The following C19orf47 variants were observed in gnomAD, a reference collection of about 807,000 sequenced individuals.
The protein encoded by C19orf47 is chromosome 19 open reading frame 47, also known as uncharacterized protein C19orf47.
C19orf47 carries 18 observed loss-of-function variants against 32.3 expected under a neutral mutation model. The ratio of observed to expected loss-of-function variants is 0.56; its 90% confidence interval spans 0.39 to 0.83. C19orf47 has a LOEUF of 0.83. C19orf47 is among the 40% of genes least tolerant of loss of function. The pLI is 0.00. For synonymous variants in C19orf47, 202 were observed against 211.1 expected (o/e 0.96, Z 0.37); for missense variants, 484 against 531.6 (o/e 0.91, Z 0.88).
At chr19:40,309,172 A>G in the C19orf47 span, among the ~76,000 whole-genome samples, 1 of 151,704 alleles carries the variant, frequency 6.6e-6, no homozygotes, top group East Asian at 1.9e-4. Context: ...CATAATCAGC[A>G]GCCACTTTAT....
the C19orf47 span, among the ~76,000 whole-genome samples, chr19:40,293,327 G>A: frequency 6.6e-6 from 1 of 151,764 alleles, no homozygotes; most frequent in Non-Finnish European, 1.5e-5. Flanking sequence ...TATATTTTTA[G>A]TAGAGATGGG....
chr19:40,314,207 C>G, the C19orf47 span, among the ~76,000 whole-genome samples: 1 of 152,186 alleles, frequency 6.6e-6, no homozygotes, highest in Non-Finnish European at 1.5e-5. Context: ...GCGGGCAGAT[C>G]AACTGAGGTC....
chr19:40,340,367 G>A (rs2078152046), intron 2 of C19orf47, among the ~76,000 whole-genome samples: 1 of 152,092 alleles, frequency 6.6e-6, no homozygotes, highest in Non-Finnish European at 1.5e-5. Context: ...CTGCTTCTAT[G>A]CTTTATATAA....
intron 6 of C19orf47, among the ~76,000 whole-genome samples, chr19:40,327,819 G>T (rs1266929301): frequency 6.6e-6 from 1 of 152,206 alleles, no homozygotes; most frequent in Non-Finnish European, 1.5e-5. Context: ...AGGAGCAAAG[G>T]CCCCATGATG....
the C19orf47 span, among the ~76,000 whole-genome samples, chr19:40,309,225 T>C: frequency 1.3e-5 from 2 of 149,040 alleles, no homozygotes; most frequent in Non-Finnish European, 3.0e-5. Flanking sequence ...ACAGTCTCAC[T>C]CTGTCACCCA....
chr19:40,334,415 T>C (rs1320908052), intron 4 of C19orf47, among the ~76,000 whole-genome samples: 1 of 151,976 alleles, frequency 6.6e-6, no homozygotes, highest in African/African-American at 2.4e-5. Flanking sequence ...TACCACTGCA[T>C]TCTAGCCTGG....
At chr19:40,342,910 A>C (rs1205583716) in intron 1 of C19orf47, among the ~76,000 whole-genome samples, 1 of 152,218 alleles carries the variant, frequency 6.6e-6, no homozygotes, top group African/African-American at 2.4e-5. Flanking sequence ...CGACCTGATC[A>C]TGAGACGTCC....
Position 40,322,025 on chromosome 19 carries a change from T to TA in C19orf47, c.1014dup (p.Lys339Ter), listed in dbSNP as rs1165962057. On this transcript the variant is annotated frameshift_variant, in exon 9 of 9. Coordinates refer to ENST00000683109, the MANE Select transcript of C19orf47 (RefSeq NM_001256441.2). LOFTEE classifies it high-confidence loss of function. ...GTGACCTTGACCTCGGCTGAGGACT[T>TA]ACTCTTGGTGCTGGTGACCTGGCTG... 1 of 1,614,144 alleles carries TA rather than the reference T, an allele frequency of 6.2e-7. No homozygotes were observed.
intron 7 of C19orf47, among the ~76,000 whole-genome samples, chr19:40,325,635 T>A (rs570196727): frequency 6.6e-6 from 1 of 151,890 alleles, no homozygotes; most frequent in East Asian, 1.9e-4. Flanking sequence ...CACAAAAAAA[T>A]AAAAATTAAA....
intron 1 of C19orf47, chr19:40,342,138 G>C: frequency 1.2e-6 from 1 of 828,362 alleles, no homozygotes; most frequent in Non-Finnish European, 1.5e-6. Flanking sequence ...CACCCCAAAA[G>C]GTTGGCTGGA....
the C19orf47 span, among the ~76,000 whole-genome samples, chr19:40,309,791 G>A: frequency 6.6e-6 from 1 of 152,054 alleles, no homozygotes; most frequent in Non-Finnish European, 1.5e-5. Context: ...TAGCTATCAG[G>A]AAATGCAAAT....
chr19:40,309,496 C>G, the C19orf47 span, among the ~76,000 whole-genome samples: 4 of 151,996 alleles, frequency 2.6e-5, no homozygotes, highest in African/African-American at 9.7e-5. Flanking sequence ...GCCTATTTCT[C>G]TCTTTTATTT....
chr19:40,317,186 A>G (rs1277725090), downstream of C19orf47, among the ~76,000 whole-genome samples: 1 of 151,888 alleles, frequency 6.6e-6, no homozygotes, highest in Non-Finnish European at 1.5e-5. Flanking sequence ...ATCACAGCTC[A>G]CTGCAGCTTC....
At chr19:40,323,938 A>C in intron 8 of C19orf47, 68 bp downstream of exon 8, 1 of 1,578,520 alleles carries the variant, frequency 6.3e-7, no homozygotes, top group Non-Finnish European at 8.7e-7. Context: ...TGTGTTAAAG[A>C]GTCAGGAGCA....
At chr19:40,298,314 A>AAAG in the C19orf47 span, among the ~76,000 whole-genome samples, 1 of 150,658 alleles carries the variant, frequency 6.6e-6, no homozygotes. Flanking sequence ...AAAAAAAAAA[A>AAAG]AAAAAGAAAA....
chr19:40,326,490 G>T lies in C19orf47; in HGVS notation c.440-4C>A. 1 of 1,611,756 alleles carries T rather than the reference G, an allele frequency of 6.2e-7. No individual in the cohort carries two copies. On this transcript the variant is annotated splice_polypyrimidine_tract_variant and splice_region_variant and intron_variant, in intron 6 of 8. Coordinates refer to ENST00000683109, the MANE Select transcript of C19orf47 (RefSeq NM_001256441.2). ...TCCTCCCGGCGGGCCAGGGCTGCTGGGGGAAGAAAGCAGGGGTATCAGCAC... is the reference window on the plus strand; with the variant it reads ...TCCTCCCGGCGGGCCAGGGCTGCTGTGGGAAGAAAGCAGGGGTATCAGCAC...
At chr19:40,301,857 T>TAA in the C19orf47 span, among the ~76,000 whole-genome samples, 14 of 139,448 alleles carry the variant, frequency 1.0e-4, no homozygotes, top group African/African-American at 1.6e-4. Flanking sequence ...AAAAAAATCT[T>TAA]AAAAAAAAAG....
the C19orf47 span, among the ~76,000 whole-genome samples, chr19:40,303,803 GAAAAAAAA>G: frequency 3.3e-4 from 15 of 45,338 alleles, no homozygotes; most frequent in Non-Finnish European, 4.9e-4. Flanking sequence ...GACTTTGTCT[GAAAAAAAA>G]AAAAAAAAAA....
In C19orf47 at chr19:40,328,564, A is replaced by G. The variant is rs2077883884; in HGVS notation, c.302-14T>C. The G allele has an allele frequency of 6.3e-7, 1 of 1,597,516 alleles. No homozygotes were observed. Reference sequence around the variant, plus strand: ...TTCGGGAGGCAGCTGTGGGGAGAAAAGGAGAGTCCGGTCGGGTGGGGTCCT... The same window carrying G: ...TTCGGGAGGCAGCTGTGGGGAGAAAGGGAGAGTCCGGTCGGGTGGGGTCCT... On this transcript the variant is annotated splice_polypyrimidine_tract_variant and intron_variant, in intron 5 of 8. Coordinates refer to ENST00000683109, the MANE Select transcript of C19orf47 (RefSeq NM_001256441.2).
Sources: gnomAD v4.1 joint callset for allele counts (sites outside exome capture counted in the v4.1 genomes callset) on GRCh38, gnomAD v4.1.1 for gene constraint, MANE v1.5 for transcripts, NCBI Gene and HGNC (gene_info 2026-07-23, HGNC 2026-07-21) for gene names.